Variants in UNC13C observed in about 807,000 individuals in gnomAD.
UNC13C encodes the protein unc-13 homolog C.
Under a neutral mutation model 245.4 loss-of-function variants are expected in UNC13C, and 174 were observed. That is an observed-to-expected ratio of 0.71 (90% confidence interval 0.63 to 0.80). The LOEUF (loss-of-function observed/expected upper bound fraction) is 0.80, where lower values mean the gene tolerates loss of function less well. Among genes scored for constraint, UNC13C ranks in the 30% least tolerant of loss-of-function variants. The pLI is 0.00. For synonymous variants in UNC13C, 992 were observed against 895.1 expected (o/e 1.11, Z -1.93); for missense variants, 2,829 against 2,602.9 (o/e 1.09, Z -1.89).
intron 29 of UNC13C, among the ~76,000 whole-genome samples, chr15:54,561,197 A>C (rs1007860523): frequency 2.0e-5 from 3 of 151,958 alleles, no homozygotes; most frequent in Non-Finnish European, 4.4e-5. Context: ...TTAACACCTG[A>C]GACTCCCCTT....
At chr15:54,349,101 T>G (rs1270143818) in intron 17 of UNC13C, among the ~76,000 whole-genome samples, 1 of 148,328 alleles carries the variant, frequency 6.7e-6, no homozygotes, top group African/African-American at 2.4e-5. Flanking sequence ...TTATAATTTA[T>G]AAAATATTTA....
intron 4 of UNC13C, among the ~76,000 whole-genome samples, chr15:54,210,473 A>G (rs2034846448): frequency 1.3e-5 from 2 of 152,024 alleles, no homozygotes; most frequent in Non-Finnish European, 2.9e-5. Flanking sequence ...TCAAGCATTT[A>G]TTATAAAAAT....
At chr15:53,940,596 G>A in the UNC13C span, among the ~76,000 whole-genome samples, 1 of 152,164 alleles carries the variant, frequency 6.6e-6, no homozygotes, top group South Asian at 2.1e-4. Context: ...AGCTTCTTAA[G>A]CTGATCGGCA....
At chr15:54,225,689 C>A (rs184884370) in intron 4 of UNC13C, among the ~76,000 whole-genome samples, 1 of 152,306 alleles carries the variant, frequency 6.6e-6, no homozygotes, top group East Asian at 1.9e-4. Context: ...AGTTGCTTAT[C>A]AGCTTAAGAA....
At chr15:54,377,754 TG>T (rs1167671946) in intron 17 of UNC13C, among the ~76,000 whole-genome samples, 1 of 152,182 alleles carries the variant, frequency 6.6e-6, no homozygotes, top group Non-Finnish European at 1.5e-5. Context: ...AGGCCTCTTT[TG>T]TAAGGGCATT....
chr15:54,610,323 C>A (rs1300478810), intron 30 of UNC13C, among the ~76,000 whole-genome samples: 2 of 152,052 alleles, frequency 1.3e-5, no homozygotes, highest in Non-Finnish European at 2.9e-5. Flanking sequence ...TCAGCCTCCG[C>A]CTTCCGGGTT....
intron 4 of UNC13C, among the ~76,000 whole-genome samples, chr15:54,205,342 T>C (rs2034673538): frequency 6.6e-6 from 1 of 152,032 alleles, no homozygotes. Context: ...AGATTTTTCT[T>C]TCTGTGCTAT....
chr15:53,997,498 C>T (rs1894689263), intron 1 of UNC13C, among the ~76,000 whole-genome samples: 1 of 152,006 alleles, frequency 6.6e-6, no homozygotes, highest in South Asian at 2.1e-4. Context: ...CGTTAACATT[C>T]TTTTATATGT....
chr15:53,961,095 C>T, the UNC13C span, among the ~76,000 whole-genome samples: 2 of 152,190 alleles, frequency 1.3e-5, no homozygotes, highest in African/African-American at 2.4e-5. Flanking sequence ...CCTAGGTTTT[C>T]CATCCTTATG....
Position 54,058,156 on chromosome 15 carries a change from A to C in UNC13C, c.2983+42270A>C, listed in dbSNP as rs1320620905. Among the ~76,000 whole-genome samples the C allele has an allele frequency of 5.9e-5, 9 of 152,288 alleles. No individual in the cohort carries two copies. In the South Asian group the frequency reaches 1.9e-3, roughly 32 times the overall value. On this transcript the variant is annotated intron_variant, in intron 2 of 32. Coordinates refer to ENST00000260323, the MANE Select transcript of UNC13C (RefSeq NM_001080534.3). Reference sequence around the variant, plus strand: ...TAGAGACACAAAAAACCCTTCAAAAAATCAATGAATCCAGGAGCTGTTTTT... The same window carrying C: ...TAGAGACACAAAAAACCCTTCAAAACATCAATGAATCCAGGAGCTGTTTTT...
At chr15:53,912,249 A>C in the UNC13C span, 2 of 152,224 alleles carry the variant, frequency 1.3e-5, no homozygotes, top group African/African-American at 4.8e-5. Flanking sequence ...CCACCTGGAA[A>C]CTTTTCAGCT....
At chr15:54,181,714 T>C (rs758627128) in intron 4 of UNC13C, among the ~76,000 whole-genome samples, 4 of 152,014 alleles carry the variant, frequency 2.6e-5, no homozygotes, top group Non-Finnish European at 4.4e-5. Flanking sequence ...GTTTCACCTA[T>C]AATTTCTTTT....
intron 25 of UNC13C, among the ~76,000 whole-genome samples, chr15:54,526,905 A>G (rs905606901): frequency 6.6e-6 from 1 of 152,194 alleles, no homozygotes; most frequent in African/African-American, 2.4e-5. Context: ...CTCTGAAAGC[A>G]TCATATTTTT....
intron 2 of UNC13C, among the ~76,000 whole-genome samples, chr15:54,056,692 G>T (rs8034816): frequency 0.83 from 126,584 of 151,964 alleles, 52,950 homozygotes; most frequent in Middle Eastern, 0.92. Flanking sequence ...AGGAAAAAAT[G>T]TTAAGGGCAG....
chr15:54,234,204 A>G (rs1044954665), intron 4 of UNC13C, among the ~76,000 whole-genome samples: 7 of 150,574 alleles, frequency 4.6e-5, no homozygotes, highest in Non-Finnish European at 1.0e-4. Context: ...TGCGTTCATA[A>G]ACATATATAT....
chr15:53,849,499 C>A, the UNC13C span, among the ~76,000 whole-genome samples: 1 of 152,040 alleles, frequency 6.6e-6, no homozygotes, highest in Non-Finnish European at 1.5e-5. Flanking sequence ...CTTTTTAGAA[C>A]AATATTGCCG....
chr15:54,192,073 G>T (rs2034203432), intron 4 of UNC13C, among the ~76,000 whole-genome samples: 1 of 152,020 alleles, frequency 6.6e-6, no homozygotes, highest in Non-Finnish European at 1.5e-5. Flanking sequence ...TTTGGCTTTT[G>T]TTGCCATTGC....
intron 4 of UNC13C, among the ~76,000 whole-genome samples, chr15:54,217,523 G>C (rs1459590005): frequency 1.3e-5 from 2 of 151,904 alleles, no homozygotes; most frequent in African/African-American, 2.4e-5. Flanking sequence ...TCATTAATCT[G>C]TTCCTTAGTT....
At chr15:53,979,220 G>A (rs977142274) in intron 1 of UNC13C, among the ~76,000 whole-genome samples, 3 of 152,138 alleles carry the variant, frequency 2.0e-5, no homozygotes, top group Non-Finnish European at 2.9e-5. Context: ...ATAGGGTTGA[G>A]ATGAAAGGCT....
Sources: allele counts gnomAD v4.1 joint callset (sites outside exome capture counted in the v4.1 genomes callset), GRCh38; gene constraint gnomAD v4.1.1; transcripts MANE v1.5; gene names NCBI Gene and HGNC (gene_info 2026-07-23, HGNC 2026-07-21).